Variants in THSD4 observed in about 807,000 individuals in gnomAD.
THSD4 encodes thrombospondin type-1 domain-containing protein 4.
In THSD4, 69 loss-of-function variants were observed where a neutral mutation model predicts 119.0. The ratio of observed to expected loss-of-function variants is 0.58; its 90% CI spans 0.48 to 0.71. The LOEUF (loss-of-function observed/expected upper bound fraction) is 0.71. Among genes scored for constraint, THSD4 ranks in the 30% least tolerant of loss-of-function variants. The pLI, the probability that THSD4 is intolerant of heterozygous loss-of-function variation, is 0.00. For synonymous variants in THSD4, 524 were observed against 540.4 expected, an observed-to-expected ratio of 0.97 and a Z score of 0.42; for missense variants, 1,393 against 1,391.1, an observed-to-expected ratio of 1.00 and a Z score of -0.02.
At chr15:71,703,049 C>CGAG (rs1394940334) in intron 8 of THSD4, among the ~76,000 whole-genome samples, 1 of 151,938 alleles carries the variant, frequency 6.6e-6, no homozygotes, top group South Asian at 2.1e-4. Context: ...GGTGCCCTCT[C>CGAG]AGCTCACTGC....
rs542111168 is a variant in THSD4, at chr15:71,411,929, G to A, written c.1152+106G>A. ...AGGCTGCTAGCTCCCCCCAGCCCAC[G>A]TCAGGGCCACTCAACCATGCGCTCT... is the stretch of plus-strand genomic sequence containing the variant. On this transcript the variant is annotated intron_variant, in intron 7 of 17. Transcript: ENST00000261862. The A allele has an allele frequency of 1.2e-4, 177 of 1,459,738 alleles. 1 individual carries two copies. The Admixed American group carries it at 1.7e-3, about 14-fold the overall frequency. 90.4% of individuals were successfully genotyped at this position (1,459,738 alleles called of 1,614,324 possible).
chr15:71,215,242 C>T lies in THSD4; in HGVS notation c.307C>T (p.His103Tyr). 1 of 1,464,904 alleles carries T rather than the reference C, an allele frequency of 6.8e-7. No individual in the cohort carries two copies. Among genetic ancestry groups the T allele is most frequent in the South Asian group, 1.3e-5 (1 of 76,494 alleles). The allele number at this position is 1,464,904 out of a possible 1,614,324, so 90.7% of individuals were successfully genotyped here. A position where few individuals can be genotyped will look rare whatever the true frequency, so the allele number is the denominator to read the frequency against. ...CGCCCCTGCGCGCGCCTTCGCGGAC[C>T]ACGTGGTGTCGGCGGTGCGCACGTC... ...PGAPARAFAD[H>Y]VVSAVRTSVP... is the part of the protein sequence containing the mutation. Residue 103 changes from histidine (H) to tyrosine (Y), a missense_variant, in exon 4 of 18, where the codon CAC (histidine) becomes TAC (tyrosine). Physicochemically the swap from His to Tyr is moderately conservative, Grantham distance 83. Transcript: ENST00000261862.
intron 7 of THSD4, among the ~76,000 whole-genome samples, chr15:71,633,919 G>C (rs932100448): frequency 2.0e-5 from 3 of 152,196 alleles, no homozygotes; most frequent in African/African-American, 4.8e-5. Flanking sequence ...GGGCACGGTG[G>C]CTCATGCCTG....
chr15:71,572,262 T>C (rs1307583796), intron 7 of THSD4, among the ~76,000 whole-genome samples: 1 of 152,240 alleles, frequency 6.6e-6, no homozygotes, highest in Non-Finnish European at 1.5e-5. Context: ...TGAGCAGTTT[T>C]CCTGTATCAT....
At chr15:71,595,642 G>A (rs914799519) in intron 7 of THSD4, among the ~76,000 whole-genome samples, 15 of 152,108 alleles carry the variant, frequency 9.9e-5, no homozygotes, top group Non-Finnish European at 1.9e-4. Context: ...GCCTAAAATT[G>A]CACATGTGTG....
intron 6 of THSD4, among the ~76,000 whole-genome samples, chr15:71,379,283 G>A (rs2046193855): frequency 6.6e-6 from 1 of 151,748 alleles, no homozygotes; most frequent in East Asian, 1.9e-4. Context: ...GTTCTAAGGG[G>A]ATTCTGGTTC....
chr15:71,721,573 G>A (rs2052724111), intron 8 of THSD4, among the ~76,000 whole-genome samples: 1 of 152,028 alleles, frequency 6.6e-6, no homozygotes, highest in Admixed American at 6.5e-5. Flanking sequence ...AAGGGGCTGA[G>A]GCAAGAGAAT....
intron 7 of THSD4, among the ~76,000 whole-genome samples, chr15:71,538,561 G>A (rs2048716619): frequency 6.6e-6 from 1 of 152,198 alleles, no homozygotes; most frequent in Non-Finnish European, 1.5e-5. Flanking sequence ...TTGAATTAAG[G>A]TTTTCTAGAC....
chr15:71,251,226 G>A (rs953411873), intron 5 of THSD4, among the ~76,000 whole-genome samples: 2 of 152,204 alleles, frequency 1.3e-5, no homozygotes, highest in African/African-American at 4.8e-5. Context: ...TTTTCCAGCT[G>A]TAGATGAGAA....
chr15:71,598,270 A>G (rs968578819), intron 7 of THSD4, among the ~76,000 whole-genome samples: 4 of 152,318 alleles, frequency 2.6e-5, no homozygotes, highest in African/African-American at 9.6e-5. Flanking sequence ...GGCAGAAGGT[A>G]TCCAGCCCAT....
chr15:71,148,586 G>A (rs1422652742), intron 2 of THSD4, among the ~76,000 whole-genome samples: 3 of 152,138 alleles, frequency 2.0e-5, no homozygotes, highest in Non-Finnish European at 4.4e-5. Context: ...CCTCTGGTGG[G>A]ACTGGATGAA....
At chr15:71,159,975 T>G (rs530431179) in intron 3 of THSD4, among the ~76,000 whole-genome samples, 31 of 152,120 alleles carry the variant, frequency 2.0e-4, no homozygotes, top group Non-Finnish European at 4.4e-4. Context: ...CGACCTTTAT[T>G]GTGTTATGGT....
chr15:71,329,078 G>A (rs1020902584), intron 6 of THSD4, among the ~76,000 whole-genome samples: 8 of 152,184 alleles, frequency 5.3e-5, no homozygotes, highest in Admixed American at 1.3e-4. Context: ...CCAAGCCTCC[G>A]TTGTGATGTG....
chr15:71,203,761 T>A (rs1160603881), intron 3 of THSD4, among the ~76,000 whole-genome samples: 3 of 152,222 alleles, frequency 2.0e-5, no homozygotes, highest in Non-Finnish European at 4.4e-5. Flanking sequence ...ATTTGCAGCC[T>A]CTTTCACTCA....
chr15:71,738,886 A>G (rs1423868493), intron 11 of THSD4, among the ~76,000 whole-genome samples: 2 of 152,132 alleles, frequency 1.3e-5, no homozygotes, highest in Non-Finnish European at 1.5e-5. Flanking sequence ...GGCATATTCC[A>G]AGGGCTTAGA....
chr15:71,622,470 C>T (rs992194745), intron 7 of THSD4, among the ~76,000 whole-genome samples: 3 of 152,188 alleles, frequency 2.0e-5, no homozygotes, highest in African/African-American at 4.8e-5. Context: ...GCATCAGTCT[C>T]CCAAATCTGG....
intron 7 of THSD4, among the ~76,000 whole-genome samples, chr15:71,470,164 A>G (rs574078981): frequency 7.2e-5 from 11 of 152,238 alleles, no homozygotes; most frequent in African/African-American, 1.9e-4. Flanking sequence ...GTTTTTTTAA[A>G]TCTTTTCATT....
chr15:71,463,443 G>T (rs1349675313), intron 7 of THSD4, among the ~76,000 whole-genome samples: 1 of 152,134 alleles, frequency 6.6e-6, no homozygotes, highest in Non-Finnish European at 1.5e-5. Flanking sequence ...CCGTCATCTG[G>T]TCCGCATTTC....
At chr15:71,334,431 G>C (rs1453317848) in intron 6 of THSD4, among the ~76,000 whole-genome samples, 1 of 152,242 alleles carries the variant, frequency 6.6e-6, no homozygotes, top group Non-Finnish European at 1.5e-5. Flanking sequence ...CAGCATGAGA[G>C]TGTATATGAA....
Sources: gnomAD v4.1 joint callset for allele counts (sites outside exome capture counted in the v4.1 genomes callset) on GRCh38, gnomAD v4.1.1 for gene constraint, MANE v1.5 for transcripts, NCBI Gene and HGNC (gene_info 2026-07-23, HGNC 2026-07-21) for gene names.